The following TTC24 variants were observed in gnomAD, a reference collection of about 807,000 sequenced individuals.
The protein encoded by TTC24 is tetratricopeptide repeat domain 24.
A neutral mutation model predicts 63.3 loss-of-function variants in TTC24; 54 were observed. The ratio of observed to expected loss-of-function variants is 0.85; its 90% CI spans 0.69 to 1.07. The LOEUF (loss-of-function observed/expected upper bound fraction) is 1.07. TTC24 is among the 50% of genes least tolerant of loss of function. The pLI is 0.00. For synonymous variants in TTC24, 276 were observed against 304.3 expected (o/e 0.91, Z 0.97); for missense variants, 680 against 730.5 (o/e 0.93, Z 0.80).
intron 6 of TTC24, chr1:156,584,668 G>A (rs892728739): frequency 1.9e-5 from 8 of 420,238 alleles, no homozygotes; most frequent in Middle Eastern, 6.0e-4. Context: ...CGCTGGCCAG[G>A]TCTGCTAGTC....
chr1:156,581,334 A>C (rs1676983749), intron 1 of TTC24, 27 bp from the exon 2 acceptor site: 1 of 1,450,788 alleles, frequency 6.9e-7, no homozygotes, highest in Non-Finnish European at 9.1e-7. Context: ...AGGCTGACAT[A>C]CTGAGCCCTC....
At chr1:156,585,905 T>C (rs772697947) in intron 9 of TTC24, 44 bp from the exon 10 acceptor site, 1 of 1,597,882 alleles carries the variant, frequency 6.3e-7, no homozygotes, top group Admixed American at 1.7e-5. Context: ...TAGTTCTTGG[T>C]GCAGAGAGGC....
intron 1 of TTC24, among the ~76,000 whole-genome samples, chr1:156,580,414 C>T (rs1676959380): frequency 6.6e-6 from 1 of 152,108 alleles, no homozygotes; most frequent in Admixed American, 6.5e-5. Flanking sequence ...AGGGGGGTGT[C>T]TGTGGAGGCA....
At chr1:156,582,146 G>A (rs1677016627) in intron 2 of TTC24, 76 bp downstream of exon 2, 8 of 1,464,520 alleles carry the variant, frequency 5.5e-6, no homozygotes, top group Non-Finnish European at 7.2e-6. Flanking sequence ...GCTGGGTTTG[G>A]GGAACCCTGG....
At chr1:156,581,013 A>G (rs566671501) in intron 1 of TTC24, among the ~76,000 whole-genome samples, 2 of 152,292 alleles carry the variant, frequency 1.3e-5, no homozygotes, top group South Asian at 4.1e-4. Context: ...GGGGAAGACA[A>G]TAAAGTCATC....
In TTC24 at chr1:156,582,151, C is replaced by T. The variant is rs1677016816; in HGVS notation, c.707-80C>T. 2.0e-6 allele frequency: 3 copies of T among 1,469,964 alleles called. No individual in the cohort carries two copies. In the Admixed American group the frequency reaches 7.5e-5, roughly 37 times the overall value. The allele number at this position is 1,469,964 out of a possible 1,614,324, so 91.1% of individuals were successfully genotyped here. ...TACTCAGAGGGCTGGGTTTGGGGAA[C>T]CCTGGAGGAGTCGATAGGGGCTGTA... On this transcript the variant is annotated intron_variant, in intron 2 of 10. Transcript: ENST00000368236.
Position 156,582,063 on chromosome 1 carries a change from A to G in TTC24, c.699A>G (p.Arg233=). 6.8e-7 allele frequency: 1 copy of G among 1,467,088 alleles called. No homozygotes were observed. 90.9% of individuals were successfully genotyped at this position (1,467,088 alleles called of 1,614,324 possible). Residue 233 remains arginine (R), a synonymous_variant, in exon 2 of 11, where the codon CGA becomes CGG. Coordinates refer to ENST00000368236, the MANE Select transcript of TTC24 (RefSeq NM_001105669.4). ...RRLAERSTER[R]LLGHLYNDLG... is the part of the protein sequence containing the mutation. ...TTGCCGAGAGGAGCACTGAGAGGCG[A>G]CTGCTGGGTGAGACCTTCGGGCAGG...
chr1:156,580,578 A>C (rs879462084), intron 1 of TTC24, among the ~76,000 whole-genome samples: 41 of 152,130 alleles, frequency 2.7e-4, no homozygotes, highest in Non-Finnish European at 5.1e-4. Flanking sequence ...CCCGGGTTCA[A>C]GCAATTCTCC....
In TTC24 at chr1:156,587,453, T is replaced by C. The variant is rs1326478599; in HGVS notation, c.*903T>C. 6.6e-6 allele frequency among the ~76,000 whole-genome samples: 1 copy of C among 152,222 alleles called. No individual in the cohort carries two copies. The highest frequency in any genetic ancestry group is 2.4e-5 in the African/African-American group (1 of 41,454). Reference sequence around the variant, plus strand: ...CCACTTCCCCAGCTAAGCCCTTGCTTACCCAGAGTCCATTGTGATTTAATA... The same window carrying C: ...CCACTTCCCCAGCTAAGCCCTTGCTCACCCAGAGTCCATTGTGATTTAATA... On this transcript the variant is annotated 3_prime_UTR_variant, in exon 11 of 11. Transcript: ENST00000368236.
At chr1:156,584,045 T>G in intron 6 of TTC24, 150 bp downstream of exon 6, 1 of 624,162 alleles carries the variant, frequency 1.6e-6, no homozygotes. Flanking sequence ...ATGAGATATA[T>G]CACTTTCCAA....
chr1:156,584,622 G>C, intron 6 of TTC24: 1 of 370,578 alleles, frequency 2.7e-6, no homozygotes, highest in Non-Finnish European at 4.8e-6. Context: ...TGACTTTACG[G>C]TATCAGGCCC....
In TTC24 at chr1:156,586,661, T is replaced by A; in HGVS notation, c.*111T>A. 1 of 938,328 alleles carries A rather than the reference T, an allele frequency of 1.1e-6. No individual in the cohort carries two copies. Among genetic ancestry groups the A allele is most frequent in the Non-Finnish European group, 1.6e-6 (1 of 607,244 alleles). 58.1% of individuals were successfully genotyped at this position (938,328 alleles called of 1,614,324 possible). ...CCAGTTGCTCAGCCCTGCAGGGATG[T>A]GGAACACAGTGCAGCCAGTGGACTC... is the stretch of plus-strand genomic sequence containing the variant. On this transcript the variant is annotated 3_prime_UTR_variant, in exon 11 of 11. Coordinates refer to ENST00000368236, the MANE Select transcript of TTC24 (RefSeq NM_001105669.4).
rs1371103546 is a variant in TTC24 at position 156,582,240 on chromosome 1, A to G, written c.716A>G (p.Tyr239Cys). Residue 239 changes from tyrosine (Y) to cysteine (C), a missense_variant, in exon 3 of 11, where the codon TAT becomes TGT. Coordinates refer to ENST00000368236, the MANE Select transcript of TTC24 (RefSeq NM_001105669.4). The stretch of plus-strand genomic sequence containing the variant: ...TGGCTATTCCCTCTAGGGCACCTCT[A>G]TAACGATCTAGGCCTGGGCTACTCC... The part of the protein sequence containing the change: ...STERRLLGHL[Y>C]NDLGLGYSQL... 1 of 1,551,528 alleles carries G rather than the reference A, an allele frequency of 6.4e-7. No homozygotes were observed. Among genetic ancestry groups the G allele is most frequent in the Non-Finnish European group, 8.7e-7 (1 of 1,146,876 alleles).
In TTC24 at chr1:156,583,181, G is replaced by A; in HGVS notation, c.1039+11G>A. On this transcript the variant is annotated intron_variant, in intron 4 of 10. Transcript: ENST00000368236. The surrounding 1 kb of genome is among the most constrained non-coding windows in gnomAD (Gnocchi z 4.0). ...CTGCCCGGGACTCTGGTAAGCGTGA[G>A]AGGGTTGGGATGTGACTGGGACAGT... 6.2e-7 allele frequency: 1 copy of A among 1,611,518 alleles called. No homozygotes were observed. Among genetic ancestry groups the A allele is most frequent in the Non-Finnish European group, 8.5e-7 (1 of 1,178,618 alleles).
At chr1:156,580,759 A>G (rs1557955671) in intron 1 of TTC24, among the ~76,000 whole-genome samples, 4 of 152,168 alleles carry the variant, frequency 2.6e-5, no homozygotes, top group Non-Finnish European at 4.4e-5. Flanking sequence ...TACTGGTGTG[A>G]GCCATCGCAC....
intron 1 of TTC24, among the ~76,000 whole-genome samples, chr1:156,581,084 C>T (rs1676978135): frequency 6.6e-6 from 1 of 152,208 alleles, no homozygotes. Context: ...TATGGGACCA[C>T]AGGAGTACCC....
intron 1 of TTC24, among the ~76,000 whole-genome samples, chr1:156,580,766 G>A (rs1340740556): frequency 2.0e-5 from 3 of 152,132 alleles, no homozygotes; most frequent in Admixed American, 6.5e-5. Context: ...GTGAGCCATC[G>A]CACCTGGCCT....
At chr1:156,580,395 T>A (rs1220123802) in intron 1 of TTC24, among the ~76,000 whole-genome samples, 1 of 151,974 alleles carries the variant, frequency 6.6e-6, no homozygotes. Flanking sequence ...AGTACCTAGA[T>A]GATGAGTGAG....
At chr1:156,580,462 T>C (rs10908509) in intron 1 of TTC24, among the ~76,000 whole-genome samples, 42,349 of 151,940 alleles carry the variant, frequency 0.28, 6,501 homozygotes, top group East Asian at 0.6. Flanking sequence ...GCCCTGCATA[T>C]GCGGTTCCTT....
Sources: gnomAD v4.1 joint callset for allele counts (sites outside exome capture counted in the v4.1 genomes callset) on GRCh38, gnomAD v4.1.1 for gene constraint, Gnocchi (gnomAD v3.1) non-coding constraint, MANE v1.5 for transcripts, NCBI Gene and HGNC (gene_info 2026-07-23, HGNC 2026-07-21) for gene names.